ARPC4: variants seen among roughly 807,000 people sequenced by gnomAD.
ARPC4 encodes the protein actin-related protein 2/3 complex subunit 4.
ARPC4 carries 3 observed loss-of-function variants against 22.8 expected under a neutral mutation model. The ratio of observed to expected loss-of-function variants is 0.13; its 90% CI spans 0.06 to 0.34. The LOEUF (loss-of-function observed/expected upper bound fraction) is 0.34, where lower values mean the gene tolerates loss of function less well. ARPC4 is among the 10% of genes least tolerant of loss of function. The pLI, the probability that ARPC4 is intolerant of heterozygous loss-of-function variation, is 1.00. For missense variants in ARPC4, 98 were observed against 211.0 expected, an observed-to-expected ratio of 0.46 and a Z score of 3.32; for synonymous variants, 80 against 72.5, an observed-to-expected ratio of 1.10 and a Z score of -0.52.
At chr3:9,802,285 C>G (rs1163466372) in intron 4 of ARPC4, among the ~76,000 whole-genome samples, 1 of 145,708 alleles carries the variant, frequency 6.9e-6, no homozygotes, top group East Asian at 2.1e-4. Flanking sequence ...AGACACATTG[C>G]TTATTCCCGG....
In ARPC4 at chr3:9,803,861, C is replaced by T; in HGVS notation, c.349C>T (p.Leu117=). The T allele has an allele frequency of 3.1e-6, 5 of 1,614,168 alleles. No individual in the cohort carries two copies. Among genetic ancestry groups the T allele is most frequent in the Non-Finnish European group, 4.2e-6 (5 of 1,179,990 alleles). The change falls in exon 5 of 6, where the codon CTG becomes TTG. Residue 117 remains leucine, a synonymous_variant. Coordinates refer to ENST00000397261, the MANE Select transcript of ARPC4 (RefSeq NM_005718.5). ...KPVEGYDISF[L]ITNFHTEQMY... The stretch of plus-strand genomic sequence containing the variant: ...TCCCTAGGGGTATGATATCAGCTTT[C>T]TGATCACCAACTTCCACACAGAGCA...
chr3:9,792,894 G>T, upstream of ARPC4: 10 of 1,397,732 alleles, frequency 7.2e-6, no homozygotes, highest in Non-Finnish European at 9.3e-6. Context: ...TCCTGGAGGA[G>T]CTTAAATAGT....
At chr3:9,799,052 T>C (rs2078955438) in intron 2 of ARPC4, among the ~76,000 whole-genome samples, 1 of 152,190 alleles carries the variant, frequency 6.6e-6, no homozygotes, top group South Asian at 2.1e-4. Flanking sequence ...CAGTGGGCCT[T>C]TGAAAATGGT....
chr3:9,795,974 T>G (rs895193119), intron 1 of ARPC4, among the ~76,000 whole-genome samples: 1 of 152,144 alleles, frequency 6.6e-6, no homozygotes, highest in African/African-American at 2.4e-5. Flanking sequence ...TGCACACTTG[T>G]CATCTCAGCT....
intron 2 of ARPC4, among the ~76,000 whole-genome samples, chr3:9,798,463 T>G (rs1448916837): frequency 2.0e-5 from 3 of 152,134 alleles, no homozygotes; most frequent in Admixed American, 1.3e-4. Flanking sequence ...GGCACATGCC[T>G]GTAGTCCCAC....
chr3:9,798,439 T>C (rs910907579), intron 2 of ARPC4, among the ~76,000 whole-genome samples: 15 of 151,836 alleles, frequency 9.9e-5, no homozygotes, highest in Non-Finnish European at 5.9e-5. Context: ...TATGCAAAAA[T>C]AGTCAGGCAT....
At chr3:9,804,970 A>G (rs912701700) in intron 5 of ARPC4, among the ~76,000 whole-genome samples, 13 of 152,350 alleles carry the variant, frequency 8.5e-5, no homozygotes, top group South Asian at 4.1e-4. Flanking sequence ...CAGCTGTGAA[A>G]TGAAGGTCTG....
At chr3:9,797,953 G>A (rs897338145) in intron 2 of ARPC4, 176 bp downstream of exon 2, 18 of 661,008 alleles carry the variant, frequency 2.7e-5, no homozygotes, top group Non-Finnish European at 4.3e-5. Flanking sequence ...TAGGGTCAGT[G>A]GGTTGGCAGG....
At chr3:9,805,166 A>G (rs2079083089) in intron 5 of ARPC4, among the ~76,000 whole-genome samples, 3 of 152,192 alleles carry the variant, frequency 2.0e-5, no homozygotes, top group Admixed American at 6.5e-5. Flanking sequence ...TATTTGGCTC[A>G]CTCACTCAAC....
upstream of ARPC4, chr3:9,792,691 C>T: frequency 1.6e-6 from 2 of 1,233,314 alleles, no homozygotes; most frequent in Non-Finnish European, 2.0e-6. Flanking sequence ...CCCCGCCGAG[C>T]GCCAGGAGCT....
intron 5 of ARPC4, chr3:9,804,251 C>T (rs1372595006): frequency 1.2e-5 from 5 of 424,472 alleles, no homozygotes; most frequent in East Asian, 3.7e-5. Flanking sequence ...CTTAGTCTCT[C>T]GTAGGAACTT....
At chr3:9,793,510 C>T (rs1330035570) in intron 1 of ARPC4, among the ~76,000 whole-genome samples, 2 of 152,202 alleles carry the variant, frequency 1.3e-5, no homozygotes, top group African/African-American at 2.4e-5. Context: ...TCACGACATA[C>T]GCCCTTTGTC....
intron 1 of ARPC4, among the ~76,000 whole-genome samples, chr3:9,793,913 C>G (rs1373517777): frequency 6.6e-6 from 1 of 152,176 alleles, no homozygotes; most frequent in Non-Finnish European, 1.5e-5. Context: ...GGCTTCTCAG[C>G]TCTCTTTCAA....
intron 1 of ARPC4, among the ~76,000 whole-genome samples, chr3:9,793,520 C>T (rs1345381594): frequency 6.6e-6 from 1 of 152,168 alleles, no homozygotes; most frequent in Admixed American, 6.5e-5. Context: ...CGCCCTTTGT[C>T]CTCTTCTGCC....
At chr3:9,798,001 A>G (rs1290657299) in intron 2 of ARPC4, 6 of 532,020 alleles carry the variant, frequency 1.1e-5, no homozygotes, top group Non-Finnish European at 2.0e-5. Context: ...GGTTAACACA[A>G]GGTATGACTT....
chr3:9,796,794 AGCCG>A (rs2078901046), intron 1 of ARPC4, among the ~76,000 whole-genome samples: 1 of 149,196 alleles, frequency 6.7e-6, no homozygotes, highest in East Asian at 1.9e-4. Context: ...ACAAAAAGTT[AGCCG>A]GGTGTGGTGG....
chr3:9,803,691 G>A (rs768605286), intron 4 of ARPC4, 152 bp from the exon 5 acceptor site: 47 of 884,518 alleles, frequency 5.3e-5, no homozygotes, highest in Admixed American at 2.6e-4. Flanking sequence ...AGAGCAGCTG[G>A]GCTGCTGACT....
intron 1 of ARPC4, among the ~76,000 whole-genome samples, chr3:9,796,089 C>T (rs925184528): frequency 5.3e-5 from 8 of 151,358 alleles, no homozygotes; most frequent in African/African-American, 1.9e-4. Context: ...GAGTAAGACT[C>T]TGTCTCAAAA....
rs1357939162 is a variant in ARPC4 at position 9,803,837 on chromosome 3, C to T, written c.331-6C>T. 1.2e-6 allele frequency: 2 copies of T among 1,613,258 alleles called. No homozygotes were observed. Among genetic ancestry groups the T allele is most frequent in the Admixed American group, 1.7e-5 (1 of 59,988 alleles). On this transcript the variant is annotated splice_polypyrimidine_tract_variant and splice_region_variant and intron_variant, in intron 4 of 5. Transcript: ENST00000397261. ...TCTTCCCCCTCCCTACTGTCTTCTTCCCTAGGGGTATGATATCAGCTTTCT... is the reference window on the plus strand; with the variant it reads ...TCTTCCCCCTCCCTACTGTCTTCTTTCCTAGGGGTATGATATCAGCTTTCT...
Sources: gnomAD v4.1 joint callset for allele counts (sites outside exome capture counted in the v4.1 genomes callset) on GRCh38, gnomAD v4.1.1 for gene constraint, MANE v1.5 for transcripts, NCBI Gene and HGNC (gene_info 2026-07-23, HGNC 2026-07-21) for gene names.